The following FGF14 variants were observed in gnomAD, a reference collection of about 807,000 sequenced individuals.
FGF14 encodes the protein fibroblast growth factor homologous factor 4.
In FGF14, 5 loss-of-function variants were observed where a neutral mutation model predicts 25.5. That is an observed-to-expected ratio of 0.20 (90% CI 0.10 to 0.41). The LOEUF is 0.41. FGF14 is among the 10% of genes least tolerant of loss of function. The probability of loss-of-function intolerance (pLI) is 1.00; values close to 1 mark genes in which losing one functional copy is unlikely to be tolerated. For synonymous variants in FGF14, 138 were observed against 118.3 expected (o/e 1.17, Z -1.08); for missense variants, 222 against 320.1 (o/e 0.69, Z 2.34).
intron 1 of FGF14, among the ~76,000 whole-genome samples, chr13:102,281,458 C>T (rs1014771330): frequency 6.6e-6 from 1 of 152,150 alleles, no homozygotes; most frequent in Non-Finnish European, 1.5e-5. Context: ...CAGTTATCCA[C>T]TCTTCAAAGC....
At chr13:101,813,153 T>C (rs1594342739) in intron 3 of FGF14, among the ~76,000 whole-genome samples, 1 of 152,020 alleles carries the variant, frequency 6.6e-6, no homozygotes, top group African/African-American at 2.4e-5. Flanking sequence ...CACATGGAGG[T>C]ACCCAAAGAA....
In FGF14 at chr13:101,821,109, G is replaced by T. The variant is rs112816426; in HGVS notation, c.408+47616C>A. Among the ~76,000 whole-genome samples, 792 of 150,760 alleles carry T rather than the reference G, an allele frequency of 5.3e-3. 8 individuals carry two copies. The highest frequency in any genetic ancestry group is 0.018 in the African/African-American group (750 of 41,226). On this transcript the variant is annotated intron_variant, in intron 3 of 4. Transcript: ENST00000376143. ...GAGTACAGGCGCCCGCTACCACGCC[G>T]GGCTAATTTTTTGTATTTTTAGTAG...
chr13:102,031,676 A>AT (rs978693109), intron 1 of FGF14, among the ~76,000 whole-genome samples: 2 of 151,674 alleles, frequency 1.3e-5, no homozygotes, highest in African/African-American at 4.9e-5. Flanking sequence ...GCAAAAAAAA[A>AT]AAAGCATAAC....
chr13:102,189,040 A>G (rs1410140985), intron 1 of FGF14, among the ~76,000 whole-genome samples: 15 of 66,230 alleles, frequency 2.3e-4, no homozygotes, highest in East Asian at 6.6e-4. Context: ...GAAAGAAAGA[A>G]AGAGAAAGAA....
intron 1 of FGF14, chr13:102,394,898 G>A (rs2058539508): frequency 6.6e-6 from 1 of 152,310 alleles, no homozygotes; most frequent in Admixed American, 6.5e-5. Flanking sequence ...AACAAATAAT[G>A]ACACACTTCT....
chr13:102,076,442 C>T (rs1270703281), intron 1 of FGF14, among the ~76,000 whole-genome samples: 2 of 152,140 alleles, frequency 1.3e-5, no homozygotes, highest in African/African-American at 2.4e-5. Context: ...GCTATACCAT[C>T]TAGGCTTCTG....
intron 1 of FGF14, among the ~76,000 whole-genome samples, chr13:102,011,839 C>T (rs185514485): frequency 2.0e-5 from 3 of 152,322 alleles, no homozygotes; most frequent in Non-Finnish European, 4.4e-5. Context: ...GCTCACCCAT[C>T]TGCCAAGGAA....
intron 1 of FGF14, among the ~76,000 whole-genome samples, chr13:102,222,776 T>C (rs11069479): frequency 1.3e-5 from 2 of 152,162 alleles, no homozygotes; most frequent in African/African-American, 4.8e-5. Context: ...TCATTCTTCA[T>C]GAACACACAC....
chr13:101,811,503 A>G (rs2041507744), intron 3 of FGF14, among the ~76,000 whole-genome samples: 2 of 152,164 alleles, frequency 1.3e-5, no homozygotes. Flanking sequence ...TTATTTATCT[A>G]TGCTCATACT....
intron 1 of FGF14, among the ~76,000 whole-genome samples, chr13:102,333,543 T>TG (rs2056697486): frequency 6.6e-6 from 1 of 152,174 alleles, no homozygotes; most frequent in African/African-American, 2.4e-5. Context: ...AAGAGGCCCC[T>TG]GGGCTTTCGG....
intron 1 of FGF14, among the ~76,000 whole-genome samples, chr13:102,170,635 G>A (rs541563341): frequency 8.5e-5 from 13 of 152,218 alleles, no homozygotes; most frequent in African/African-American, 2.4e-4. Context: ...TAGGTGGGCC[G>A]AGATGTCCCT....
At chr13:102,346,238 T>C (rs190524900) in intron 1 of FGF14, among the ~76,000 whole-genome samples, 3 of 152,302 alleles carry the variant, frequency 2.0e-5, no homozygotes, top group Admixed American at 2.0e-4. Context: ...AAAGACATTG[T>C]AAATAGGTAT....
intron 1 of FGF14, among the ~76,000 whole-genome samples, chr13:101,956,875 CTTTGTT>C (rs1379806273): frequency 2.6e-5 from 4 of 151,674 alleles, no homozygotes; most frequent in East Asian, 1.9e-4. Context: ...GACGTCCTTC[CTTTGTT>C]TTTGTTTTTT....
chr13:102,156,985 C>A (rs1163118057), intron 1 of FGF14, among the ~76,000 whole-genome samples: 1 of 152,122 alleles, frequency 6.6e-6, no homozygotes, highest in Non-Finnish European at 1.5e-5. Context: ...GAACTACAAA[C>A]CACTGCTGAA....
intron 1 of FGF14, among the ~76,000 whole-genome samples, chr13:102,307,646 G>GTA (rs1393258164): frequency 1.3e-5 from 2 of 152,076 alleles, no homozygotes; most frequent in African/African-American, 4.8e-5. Context: ...AATATTTTTA[G>GTA]TATATGTACA....
rs559843151 is a variant in FGF14 at position 102,215,741 on chromosome 13, T to C, written c.208+185730A>G. On this transcript the variant is annotated intron_variant, in intron 1 of 4. Coordinates refer to the FGF14 transcript ENST00000376131. Reference sequence around the variant, plus strand: ...ATTTTGTATCCTTCCTGAGATAATATGCTTTTCAAAAGTAGACTGTGAGTT... The same window carrying C: ...ATTTTGTATCCTTCCTGAGATAATACGCTTTTCAAAAGTAGACTGTGAGTT... Among the ~76,000 whole-genome samples the C allele has an allele frequency of 1.2e-3, 182 of 152,346 alleles. 1 individual carries two copies. The highest frequency in any genetic ancestry group is 0.01 in the South Asian group (49 of 4,826).
chr13:101,981,834 G>T (rs1259588023), intron 1 of FGF14, among the ~76,000 whole-genome samples: 2 of 152,174 alleles, frequency 1.3e-5, no homozygotes, highest in African/African-American at 4.8e-5. Context: ...GAAAGGCAGA[G>T]ATGAAACAAA....
chr13:102,101,263 A>G (rs1203616541), intron 1 of FGF14, among the ~76,000 whole-genome samples: 1 of 152,194 alleles, frequency 6.6e-6, no homozygotes, highest in African/African-American at 2.4e-5. Flanking sequence ...ATGACCTTTT[A>G]TTCAGAAAAA....
intron 1 of FGF14, among the ~76,000 whole-genome samples, chr13:101,986,299 C>A (rs1293167109): frequency 6.6e-6 from 1 of 152,040 alleles, no homozygotes; most frequent in South Asian, 2.1e-4. Flanking sequence ...TAAAAGAAAA[C>A]CTTTCCGGTT....
Sources: gnomAD v4.1 joint callset for allele counts (sites outside exome capture counted in the v4.1 genomes callset) on GRCh38, gnomAD v4.1.1 for gene constraint, MANE v1.5 for transcripts, NCBI Gene and HGNC (gene_info 2026-07-23, HGNC 2026-07-21) for gene names.